ARHGEF10: variants seen among roughly 807,000 people sequenced by gnomAD.
The protein encoded by ARHGEF10 is Rho guanine nucleotide exchange factor 10, also known as Rho guanine nucleotide exchange factor (GEF) 10.
In ARHGEF10, 140 loss-of-function variants were observed where a neutral mutation model predicts 147.4. The observed-to-expected ratio is 0.95, with a 90% CI of 0.83 to 1.09. The LOEUF is 1.09. Ranked by LOEUF, ARHGEF10 falls within the 50% of genes least tolerant of loss-of-function variation. The pLI is 0.00. For synonymous variants in ARHGEF10, 902 were observed against 695.8 expected (o/e 1.30, Z -4.67); for missense variants, 2,222 against 1,752.7 (o/e 1.27, Z -4.78).
At chr8:1,928,387 C>G (rs754220391) in intron 23 of ARHGEF10, 40 bp from the exon 24 acceptor site, 8 of 1,592,864 alleles carry the variant, frequency 5.0e-6, no homozygotes, top group Non-Finnish European at 1.7e-6. Context: ...GAAGCCGCCA[C>G]ATGGTCGTTT....
chr8:1,921,138 T>C (rs1334131210), intron 18 of ARHGEF10, among the ~76,000 whole-genome samples: 1 of 152,188 alleles, frequency 6.6e-6, no homozygotes, highest in African/African-American at 2.4e-5. Flanking sequence ...AGTAATTGCA[T>C]TTGTCTAGAT....
chr8:1,914,645 GA>G (rs753777790), intron 18 of ARHGEF10, among the ~76,000 whole-genome samples: 34 of 152,350 alleles, frequency 2.2e-4, no homozygotes, highest in Non-Finnish European at 4.3e-4. Context: ...CGAAATGAAG[GA>G]AACAGAACAA....
chr8:1,850,068 GCGTGGACACAGAGGGCAAAT>G lies in ARHGEF10; in HGVS notation c.37+6633_37+6652del, dbSNP rs1563173960. Among the ~76,000 whole-genome samples, 125 of 75,646 alleles carry G rather than the reference GCGTGGACACAGAGGGCAAAT, an allele frequency of 1.7e-3. 2 individuals are homozygous for G. Among genetic ancestry groups the G allele is most frequent in the Non-Finnish European group, 2.2e-3 (81 of 37,086 alleles). 49.6% of individuals were successfully genotyped at this position (75,646 alleles called of 152,430 possible). On this transcript the variant is annotated intron_variant, in intron 2 of 28. Coordinates refer to ENST00000349830, the MANE Select transcript of ARHGEF10 (RefSeq NM_014629.4). ...ATGCTGAGGAGGGCGTGGGCCGGCT[GCGTGGACACAGAGGGCAAAT>G]GCTGAGGAGGGCGTGGGCCGGCTGC...
intron 13 of ARHGEF10, 38 bp downstream of exon 13, chr8:1,894,610 T>G: frequency 6.2e-7 from 1 of 1,601,578 alleles, no homozygotes; most frequent in Non-Finnish European, 8.5e-7. Context: ...CATGGGGCTC[T>G]CCATGCACCT....
chr8:1,938,644 A>C (rs548423326), intron 26 of ARHGEF10, among the ~76,000 whole-genome samples: 4 of 152,338 alleles, frequency 2.6e-5, no homozygotes, highest in African/African-American at 9.6e-5. Flanking sequence ...CAGGGCAACA[A>C]AACAGGCCTA....
At chr8:1,938,991 C>T (rs543524908) in intron 26 of ARHGEF10, among the ~76,000 whole-genome samples, 4 of 151,180 alleles carry the variant, frequency 2.6e-5, no homozygotes, top group African/African-American at 7.3e-5. Context: ...CAGAGACCCC[C>T]GAACACTGTT....
chr8:1,836,242 A>T (rs1278820807), intron 1 of ARHGEF10, among the ~76,000 whole-genome samples: 2 of 152,118 alleles, frequency 1.3e-5, no homozygotes, highest in East Asian at 3.9e-4. Flanking sequence ...TTTCATTAAG[A>T]TGCTTAAATT....
intron 27 of ARHGEF10, among the ~76,000 whole-genome samples, chr8:1,951,208 C>T (rs373288297): frequency 6.8e-4 from 104 of 152,264 alleles, no homozygotes; most frequent in African/African-American, 2.5e-3. Context: ...CCCTTTGCGG[C>T]TGCGCCCCGG....
At chr8:1,839,596 G>GT (rs1224778413) in intron 1 of ARHGEF10, among the ~76,000 whole-genome samples, 1 of 133,016 alleles carries the variant, frequency 7.5e-6, no homozygotes, top group African/African-American at 3.1e-5. Context: ...TCTGGTGTGG[G>GT]ACTGTCTGCT....
At chr8:1,905,764 C>A (rs1810843364) in intron 17 of ARHGEF10, 48 bp downstream of exon 17, 1 of 1,607,274 alleles carries the variant, frequency 6.2e-7, no homozygotes, top group East Asian at 2.2e-5. Flanking sequence ...TCACATGTTA[C>A]CTTTGCCTAA....
chr8:1,869,465 T>C, intron 7 of ARHGEF10: 2 of 677,412 alleles, frequency 3.0e-6, no homozygotes, highest in Admixed American at 4.2e-5. Context: ...AGTTTAATCT[T>C]ACTTATCCCA....
intron 23 of ARHGEF10, 183 bp downstream of exon 23, chr8:1,926,646 G>A (rs1306279059): frequency 4.5e-6 from 3 of 669,192 alleles, no homozygotes; most frequent in East Asian, 2.7e-5. Flanking sequence ...AAGATTTACA[G>A]TTCTTAGGAA....
rs1815512284 is a variant in ARHGEF10, at chr8:1,955,748, A to G, written c.3521-1001A>G. Among the ~76,000 whole-genome samples the G allele has an allele frequency of 6.6e-5, 10 of 152,372 alleles. No homozygotes were observed. The South Asian group carries it at 1.9e-3, about 28-fold the overall frequency. ...TAGCTAGGTGCTACCCATTTGCATTACACATCAAGCCTCTGTATATTTGTG... is the reference window on the plus strand; with the variant it reads ...TAGCTAGGTGCTACCCATTTGCATTGCACATCAAGCCTCTGTATATTTGTG... On this transcript the variant is annotated intron_variant, in intron 28 of 28. Coordinates refer to ENST00000349830, the MANE Select transcript of ARHGEF10 (RefSeq NM_014629.4).
intron 15 of ARHGEF10, among the ~76,000 whole-genome samples, chr8:1,899,666 A>G (rs1051713686): frequency 6.6e-6 from 1 of 152,262 alleles, no homozygotes. Flanking sequence ...AACAATGTGC[A>G]GTTTGCCTGT....
chr8:1,844,242 C>T (rs117356025), intron 2 of ARHGEF10, among the ~76,000 whole-genome samples: 1,811 of 152,208 alleles, frequency 0.012, 29 homozygotes, highest in Middle Eastern at 0.058. Context: ...GTCGTCTGTG[C>T]CCCCCAACTA....
At chr8:1,847,938 C>G (rs749255370) in intron 2 of ARHGEF10, among the ~76,000 whole-genome samples, 4 of 152,130 alleles carry the variant, frequency 2.6e-5, no homozygotes, top group Admixed American at 6.5e-5. Flanking sequence ...GTGTGTTAAT[C>G]GTTGCATGTC....
chr8:1,828,141 C>T (rs1310257317), intron 1 of ARHGEF10, among the ~76,000 whole-genome samples: 1 of 152,240 alleles, frequency 6.6e-6, no homozygotes, highest in Non-Finnish European at 1.5e-5. Flanking sequence ...AGGCCCTTTT[C>T]GGCACCAGGT....
chr8:1,841,166 A>G (rs1193965968), intron 1 of ARHGEF10, among the ~76,000 whole-genome samples: 1 of 152,128 alleles, frequency 6.6e-6, no homozygotes, highest in Non-Finnish European at 1.5e-5. Flanking sequence ...GAGTGTCTCA[A>G]GTCTCCCAAC....
chr8:1,953,967 G>C (rs1438347461), intron 28 of ARHGEF10, among the ~76,000 whole-genome samples: 1 of 152,156 alleles, frequency 6.6e-6, no homozygotes, highest in Non-Finnish European at 1.5e-5. Context: ...ATTTTGGCAG[G>C]TCCACCCACA....
Sources: allele counts gnomAD v4.1 joint callset (sites outside exome capture counted in the v4.1 genomes callset), GRCh38; gene constraint gnomAD v4.1.1; transcripts MANE v1.5; gene names NCBI Gene and HGNC (gene_info 2026-07-23, HGNC 2026-07-21).